Variants in RBFOX2 observed in about 807,000 individuals in gnomAD.
RBFOX2 encodes the protein RNA binding fox-1 homolog 2.
RBFOX2 carries 10 observed loss-of-function variants against 49.1 expected under a neutral mutation model. The observed-to-expected ratio is 0.20, with a 90% CI of 0.13 to 0.35. The LOEUF is 0.35. Ranked by LOEUF, RBFOX2 falls within the 10% of genes least tolerant of loss-of-function variation. RBFOX2 has a pLI of 1.00. For synonymous variants in RBFOX2, 183 were observed against 187.4 expected (o/e 0.98, Z 0.19); for missense variants, 323 against 486.9 (o/e 0.66, Z 3.17).
intron 2 of RBFOX2, among the ~76,000 whole-genome samples, chr22:35,795,628 CA>C (rs139555281): frequency 0.04 from 1,353 of 33,576 alleles, 12 homozygotes; most frequent in African/African-American, 0.14. Context: ...TGTAGAAAAG[CA>C]AAAAAAAAAA....
chr22:35,782,951 A>G (rs1352814993), intron 2 of RBFOX2, among the ~76,000 whole-genome samples: 1 of 152,170 alleles, frequency 6.6e-6, no homozygotes, highest in Non-Finnish European at 1.5e-5. Context: ...CAAGAATCAC[A>G]TGCAGAAATC....
At chr22:36,000,650 T>C (rs962689832) in intron 1 of RBFOX2, among the ~76,000 whole-genome samples, 1 of 152,122 alleles carries the variant, frequency 6.6e-6, no homozygotes, top group African/African-American at 2.4e-5. Context: ...TACCCGGGAA[T>C]GTTTTTTTAT....
chr22:35,865,028 G>A (rs2043506581), intron 1 of RBFOX2, among the ~76,000 whole-genome samples: 1 of 152,222 alleles, frequency 6.6e-6, no homozygotes, highest in African/African-American at 2.4e-5. Context: ...ATGCTACTCT[G>A]CAGAAGTATT....
At chr22:36,023,076 A>C (rs1035309451) in intron 1 of RBFOX2, among the ~76,000 whole-genome samples, 1 of 152,188 alleles carries the variant, frequency 6.6e-6, no homozygotes, top group Non-Finnish European at 1.5e-5. Flanking sequence ...AGAAAAAAAA[A>C]ACACAATATT....
At chr22:35,860,369 A>G (rs2042972359) in intron 1 of RBFOX2, among the ~76,000 whole-genome samples, 2 of 152,226 alleles carry the variant, frequency 1.3e-5, no homozygotes, top group Non-Finnish European at 2.9e-5. Context: ...ACTGCCAGAC[A>G]TGAGAGTGAG....
At chr22:35,885,392 T>C (rs2046431420) in intron 1 of RBFOX2, among the ~76,000 whole-genome samples, 1 of 152,192 alleles carries the variant, frequency 6.6e-6, no homozygotes, top group African/African-American at 2.4e-5. Flanking sequence ...TATGTGAATG[T>C]CAATTTATCT....
rs937381512 is a variant in RBFOX2 at position 35,833,273 on chromosome 22, G to A, written c.27+6919C>T. ...AAGGCAACAGAAGATTAAAGGGAAC[G>A]TTCAGCAGTATCTTCAAATATTTGG... On this transcript the variant is annotated intron_variant, in intron 1 of 11. Transcript: ENST00000405409. Among the ~76,000 whole-genome samples the A allele has an allele frequency of 3.9e-5, 6 of 152,132 alleles. No individual in the cohort carries two copies. The East Asian group carries it at 5.8e-4, about 15-fold the overall frequency.
In RBFOX2 at chr22:35,975,511, A is replaced by C. The variant is rs1302105183; in HGVS notation, c.187-36614T>G. On this transcript the variant is annotated intron_variant, in intron 1 of 13. Coordinates refer to the RBFOX2 transcript ENST00000438146. ...CCTAACACAGTGCCTGATTTAGATTAGGAATCCAATGAAATAACTATTACT... is the reference window on the plus strand; with the variant it reads ...CCTAACACAGTGCCTGATTTAGATTCGGAATCCAATGAAATAACTATTACT... Among the ~76,000 whole-genome samples, 4 of 152,344 alleles carry C rather than the reference A, an allele frequency of 2.6e-5. 1 individual carries two copies. In the South Asian group the frequency reaches 8.3e-4, roughly 32 times the overall value.
In RBFOX2 at chr22:35,882,442, A is replaced by C. The variant is rs552827018; in HGVS notation, c.-34+56405T>G. Among the ~76,000 whole-genome samples the C allele has an allele frequency of 1.2e-4, 18 of 152,368 alleles. 1 individual carries two copies. In the South Asian group the frequency reaches 3.5e-3, roughly 30 times the overall value. ...AACTGATATAATCAGATATAATCAA[A>C]TATAAACAACGCTACTGAGTTTTGC... On this transcript the variant is annotated intron_variant, in intron 1 of 13. Transcript: ENST00000359369.
At chr22:35,746,030 A>C (rs1277980627) in intron 10 of RBFOX2, 35 bp from the exon 13 acceptor site, 1 of 1,554,998 alleles carries the variant, frequency 6.4e-7, no homozygotes, top group Admixed American at 1.7e-5. Flanking sequence ...CAGATAAAGA[A>C]AAGTGTATGA....
intron 9 of RBFOX2, among the ~76,000 whole-genome samples, chr22:35,755,498 C>A (rs907156978): frequency 2.0e-5 from 3 of 152,156 alleles, no homozygotes; most frequent in Admixed American, 1.3e-4. Context: ...CCTCCAATGG[C>A]TTTTAAGAAC....
chr22:35,968,384 ACGGGAG>A (rs1395967732), intron 1 of RBFOX2, among the ~76,000 whole-genome samples: 6 of 152,178 alleles, frequency 3.9e-5, no homozygotes, highest in African/African-American at 1.4e-4. Flanking sequence ...AACACACAGA[ACGGGAG>A]GGAAAAGAAG....
chr22:36,021,736 G>A (rs1048288390), intron 1 of RBFOX2, among the ~76,000 whole-genome samples: 5 of 152,136 alleles, frequency 3.3e-5, no homozygotes, highest in South Asian at 4.1e-4. Context: ...ACAGAAATGC[G>A]TCCAGGATTC....
intron 1 of RBFOX2, among the ~76,000 whole-genome samples, chr22:35,956,071 T>G (rs184260311): frequency 5.6e-4 from 85 of 152,318 alleles, no homozygotes; most frequent in Non-Finnish European, 7.5e-4. Context: ...TGGAATAGAT[T>G]TTTTTTGCCT....
At chr22:35,746,024 TAAAGA>T (rs1318516223) in intron 10 of RBFOX2, 29 bp from the exon 13 acceptor site, 3 of 1,577,464 alleles carry the variant, frequency 1.9e-6, no homozygotes, top group Middle Eastern at 1.7e-4. Context: ...ATCAGACAGA[TAAAGA>T]AAAGTGTATG....
At chr22:35,760,146 G>C in intron 8 of RBFOX2, 126 bp from the exon 10 acceptor site, 1 of 1,269,154 alleles carries the variant, frequency 7.9e-7, no homozygotes, top group Non-Finnish European at 1.1e-6. Flanking sequence ...TTTTGGAAAA[G>C]GTGGCATGCA....
intron 1 of RBFOX2, among the ~76,000 whole-genome samples, chr22:35,822,237 A>G (rs1207355256): frequency 6.6e-6 from 1 of 152,214 alleles, no homozygotes; most frequent in Non-Finnish European, 1.5e-5. Flanking sequence ...GAGCATCTCC[A>G]ACTCTATTTG....
At chr22:35,962,271 C>A (rs986240854), upstream of RBFOX2, among the ~76,000 whole-genome samples, 1 of 152,204 alleles carries the variant, frequency 6.6e-6, no homozygotes, top group Admixed American at 6.5e-5. Context: ...AAAGACTGCA[C>A]ACTTCAGTGA....
At chr22:35,795,011 A>C (rs1181777102) in intron 2 of RBFOX2, among the ~76,000 whole-genome samples, 1 of 152,150 alleles carries the variant, frequency 6.6e-6, no homozygotes, top group African/African-American at 2.4e-5. Context: ...TCCAAAGGGC[A>C]ATTTTCTCTA....
Sources: gnomAD v4.1 joint callset for allele counts (sites outside exome capture counted in the v4.1 genomes callset) on GRCh38, gnomAD v4.1.1 for gene constraint, MANE v1.5 for transcripts, NCBI Gene and HGNC (gene_info 2026-07-23, HGNC 2026-07-21) for gene names.